FAF1: variants seen among roughly 807,000 people sequenced by gnomAD.
The protein encoded by FAF1 is FAS-associated factor 1.
FAF1 carries 25 observed loss-of-function variants against 92.5 expected under a neutral mutation model. The ratio of observed to expected loss-of-function variants is 0.27; its 90% confidence interval spans 0.20 to 0.38. The LOEUF is 0.38. FAF1 is among the 10% of genes least tolerant of loss of function. The pLI is 1.00. For missense variants in FAF1, 636 were observed against 793.3 expected (o/e 0.80, Z 2.38); for synonymous variants, 234 against 273.2 (o/e 0.86, Z 1.42).
chr1:50,960,194 G>A lies in FAF1; in HGVS notation c.-383C>T, dbSNP rs1215306869. On this transcript the variant is annotated 5_prime_UTR_variant, in exon 1 of 19. Coordinates refer to ENST00000396153, the MANE Select transcript of FAF1 (RefSeq NM_007051.3). ...GCGGGGGCGGGGAAACCGAGCGAGC[G>A]AGCGGGCGGGCGAACGCCGCGGCCG... 3.1e-6 allele frequency: 1 copy of A among 317,656 alleles called. No individual in the cohort carries two copies. Among genetic ancestry groups the A allele is most frequent in the Non-Finnish European group, 5.8e-6 (1 of 172,704 alleles). 19.7% of individuals were successfully genotyped at this position (317,656 alleles called of 1,614,324 possible).
chr1:50,868,374 T>C (rs1235895408), intron 1 of FAF1, among the ~76,000 whole-genome samples: 1 of 152,188 alleles, frequency 6.6e-6, no homozygotes, highest in Non-Finnish European at 1.5e-5. Flanking sequence ...AAAGTACTAG[T>C]ATTTGCTTTC....
chr1:50,894,304 T>TAAA (rs34801737), intron 1 of FAF1, among the ~76,000 whole-genome samples: 36 of 62,994 alleles, frequency 5.7e-4, no homozygotes, highest in African/African-American at 1.7e-3. Context: ...GTCTCAAAAT[T>TAAA]AAAAAAAAAA....
intron 7 of FAF1, among the ~76,000 whole-genome samples, chr1:50,680,673 ACT>A (rs1475438427): frequency 1.3e-5 from 2 of 150,674 alleles, no homozygotes; most frequent in Non-Finnish European, 3.0e-5. Flanking sequence ...ATGAGTGAAA[ACT>A]CTGTCTCCAA....
At chr1:50,677,655 G>A (rs543036479) in intron 7 of FAF1, among the ~76,000 whole-genome samples, 4 of 152,224 alleles carry the variant, frequency 2.6e-5, no homozygotes, top group African/African-American at 9.6e-5. Flanking sequence ...AGCACTTTGG[G>A]AGGCCAAGGT....
At chr1:50,794,324 A>G (rs929301081) in intron 3 of FAF1, among the ~76,000 whole-genome samples, 1 of 152,386 alleles carries the variant, frequency 6.6e-6, no homozygotes, top group African/African-American at 2.4e-5. Flanking sequence ...TGCTGGCACC[A>G]GCCAAAATTA....
At chr1:50,879,610 G>A (rs768256255) in intron 1 of FAF1, among the ~76,000 whole-genome samples, 22 of 152,116 alleles carry the variant, frequency 1.4e-4, no homozygotes, top group Non-Finnish European at 2.9e-5. Flanking sequence ...AACTGAAAAC[G>A]GGAAAATACA....
intron 1 of FAF1, among the ~76,000 whole-genome samples, chr1:50,921,866 C>T (rs1256004925): frequency 6.6e-6 from 1 of 152,098 alleles, no homozygotes; most frequent in Non-Finnish European, 1.5e-5. Flanking sequence ...AATGTAACCA[C>T]TACAGAAAAC....
chr1:50,506,935 G>A (rs1359799885), intron 15 of FAF1, among the ~76,000 whole-genome samples: 3 of 152,128 alleles, frequency 2.0e-5, no homozygotes, highest in Non-Finnish European at 4.4e-5. Flanking sequence ...TGCCATTACT[G>A]CCATTACCTC....
chr1:50,913,347 G>A (rs910777027), intron 1 of FAF1, among the ~76,000 whole-genome samples: 8 of 152,146 alleles, frequency 5.3e-5, no homozygotes, highest in South Asian at 4.1e-4. Flanking sequence ...CTCATCATCC[G>A]TACAAGAGAA....
intron 8 of FAF1, among the ~76,000 whole-genome samples, chr1:50,622,084 GA>G (rs1413278672): frequency 6.6e-6 from 1 of 150,428 alleles, no homozygotes; most frequent in Non-Finnish European, 1.5e-5. Context: ...GAAATCACTT[GA>G]ATTCGGGAGG....
chr1:50,905,809 T>G (rs990495703), intron 1 of FAF1, among the ~76,000 whole-genome samples: 1 of 152,194 alleles, frequency 6.6e-6, no homozygotes, highest in African/African-American at 2.4e-5. Flanking sequence ...TTGCAAAATT[T>G]TTCTCCCATT....
chr1:50,570,096 G>A (rs1185515248), intron 12 of FAF1, among the ~76,000 whole-genome samples: 2 of 152,066 alleles, frequency 1.3e-5, no homozygotes, highest in Non-Finnish European at 2.9e-5. Flanking sequence ...GTTGTGAGAG[G>A]GAGGGCAAAG....
chr1:50,634,508 G>A (rs1355303476), intron 8 of FAF1, among the ~76,000 whole-genome samples: 1 of 152,176 alleles, frequency 6.6e-6, no homozygotes, highest in East Asian at 1.9e-4. Context: ...CAGAGATTAA[G>A]TAGTGCACAT....
chr1:50,729,032 ATC>A (rs554461968), intron 6 of FAF1, among the ~76,000 whole-genome samples: 1,160 of 75,996 alleles, frequency 0.015, 10 homozygotes, highest in South Asian at 0.034. Context: ...CTATCTATCT[ATC>A]TATATATATA....
chr1:50,775,892 C>T (rs1420265765), intron 4 of FAF1, among the ~76,000 whole-genome samples: 1 of 152,072 alleles, frequency 6.6e-6, no homozygotes, highest in African/African-American at 2.4e-5. Flanking sequence ...GTTACACATA[C>T]AAACATGCCA....
intron 1 of FAF1, among the ~76,000 whole-genome samples, chr1:50,873,266 G>A (rs979399944): frequency 2.0e-5 from 3 of 152,140 alleles, no homozygotes; most frequent in African/African-American, 7.2e-5. Context: ...CAAAAAATTA[G>A]TGACTCACTT....
intron 18 of FAF1, among the ~76,000 whole-genome samples, chr1:50,447,753 T>C (rs959732167): frequency 1.3e-5 from 2 of 152,208 alleles, no homozygotes; most frequent in African/African-American, 2.4e-5. Context: ...TCCTCTACAT[T>C]AGACACAGAC....
At chr1:50,939,344 C>A (rs1267793514) in intron 1 of FAF1, among the ~76,000 whole-genome samples, 1 of 152,098 alleles carries the variant, frequency 6.6e-6, no homozygotes, top group Non-Finnish European at 1.5e-5. Context: ...TGGGATTGTG[C>A]TCTTGATTTG....
At chr1:50,639,202 C>T (rs767888548) in intron 8 of FAF1, among the ~76,000 whole-genome samples, 4 of 152,130 alleles carry the variant, frequency 2.6e-5, no homozygotes, top group East Asian at 1.9e-4. Context: ...CACTAGTTGA[C>T]GGACATTTGG....
Sources: allele counts gnomAD v4.1 joint callset (sites outside exome capture counted in the v4.1 genomes callset), GRCh38; gene constraint gnomAD v4.1.1; transcripts MANE v1.5; gene names NCBI Gene and HGNC (gene_info 2026-07-23, HGNC 2026-07-21).